Variants in BCAS1 observed in about 807,000 individuals in gnomAD.
The protein encoded by BCAS1 is breast carcinoma-amplified sequence 1.
BCAS1 carries 46 observed loss-of-function variants against 65.4 expected under a neutral mutation model. The observed-to-expected ratio is 0.70, with a 90% confidence interval of 0.55 to 0.90. BCAS1 has a LOEUF of 0.90. Among genes scored for constraint, BCAS1 ranks in the 40% least tolerant of loss-of-function variants. The pLI, the probability that BCAS1 is intolerant of heterozygous loss-of-function variation, is 0.00. For synonymous variants in BCAS1, 298 were observed against 293.5 expected (o/e 1.02, Z -0.16); for missense variants, 793 against 771.2 (o/e 1.03, Z -0.33).
intron 3 of BCAS1, among the ~76,000 whole-genome samples, chr20:54,055,899 G>A (rs926005041): frequency 6.6e-6 from 1 of 152,148 alleles, no homozygotes; most frequent in Non-Finnish European, 1.5e-5. Context: ...CAACATGGAT[G>A]AACCTGGAGG....
intron 4 of BCAS1, among the ~76,000 whole-genome samples, chr20:54,008,283 G>A (rs115906287): frequency 0.014 from 2,109 of 152,296 alleles, 50 homozygotes; most frequent in African/African-American, 0.048. Flanking sequence ...CATCCTCACC[G>A]GTTGGTAATA....
intron 3 of BCAS1, among the ~76,000 whole-genome samples, chr20:54,045,161 A>G (rs2092077660): frequency 6.6e-6 from 1 of 151,370 alleles, no homozygotes; most frequent in Non-Finnish European, 1.5e-5. Flanking sequence ...GCAGTGAGTG[A>G]TGATCATGCC....
At chr20:53,947,699 G>A (rs2089372614) in intron 12 of BCAS1, among the ~76,000 whole-genome samples, 1 of 152,064 alleles carries the variant, frequency 6.6e-6, no homozygotes, top group Admixed American at 6.5e-5. Flanking sequence ...TTCTGTCCCC[G>A]ATCTCTGAAC....
intron 4 of BCAS1, among the ~76,000 whole-genome samples, chr20:54,008,524 C>T (rs923315656): frequency 8.5e-5 from 13 of 152,156 alleles, no homozygotes; most frequent in African/African-American, 3.1e-4. Context: ...ATACCCCCGC[C>T]CCCCAACAAT....
intron 10 of BCAS1, among the ~76,000 whole-genome samples, chr20:53,958,900 C>T (rs1373009921): frequency 1.3e-5 from 2 of 152,188 alleles, no homozygotes; most frequent in African/African-American, 2.4e-5. Context: ...CCTCCCCATA[C>T]TGCCCCTAGA....
chr20:53,981,537 TTC>T (rs2090479304), intron 8 of BCAS1, among the ~76,000 whole-genome samples: 1 of 151,114 alleles, frequency 6.6e-6, no homozygotes, highest in South Asian at 2.1e-4. Context: ...TCATTTGGCG[TTC>T]TTTTTTTTTT....
intron 3 of BCAS1, among the ~76,000 whole-genome samples, chr20:54,032,455 A>G (rs290458): frequency 0.37 from 56,022 of 150,880 alleles, 11,583 homozygotes; most frequent in South Asian, 0.43. Context: ...TGATGACGGT[A>G]TCAAATCGAC....
At chr20:54,025,268 G>A (rs78378712) in intron 4 of BCAS1, among the ~76,000 whole-genome samples, 1,669 of 151,972 alleles carry the variant, frequency 0.011, 43 homozygotes, top group East Asian at 0.086. Flanking sequence ...ATGTGATTTT[G>A]TGTGTGTGTG....
At chr20:54,027,803 CAAA>C (rs11483550) in intron 4 of BCAS1, among the ~76,000 whole-genome samples, 1 of 147,270 alleles carries the variant, frequency 6.8e-6, no homozygotes, top group African/African-American at 2.5e-5. Flanking sequence ...CCCCAAAAAA[CAAA>C]AAAAAAACCC....
At chr20:54,000,256 G>T (rs1286259444) in intron 4 of BCAS1, among the ~76,000 whole-genome samples, 1 of 152,080 alleles carries the variant, frequency 6.6e-6, no homozygotes, top group Non-Finnish European at 1.5e-5. Flanking sequence ...GTATCTGGAG[G>T]ATAGATGCCA....
chr20:53,994,915 A>ACACACACACACT lies in BCAS1; in HGVS notation c.927+96_927+97insAGTGTGTGTGTG, dbSNP rs2090864057. 5 of 931,020 alleles carry ACACACACACACT rather than the reference A, an allele frequency of 5.4e-6. No individual in the cohort carries two copies. The South Asian group carries it at 6.9e-5, about 13-fold the overall frequency. The allele number at this position is 931,020 out of a possible 1,614,324, so 57.7% of individuals were successfully genotyped here. The stretch of plus-strand genomic sequence containing the variant: ...CACACACACACACACACACACACAC[A>ACACACACACACT]CATATATGTATTCAAAAAACAAGCA... On this transcript the variant is annotated intron_variant, in intron 6 of 12. Coordinates refer to ENST00000688948, the MANE Select transcript of BCAS1 (RefSeq NM_001366298.2).
At position 53,944,468 on chromosome 20, in the gene BCAS1, C is replaced by T. The variant is rs1399029672; in HGVS notation, c.*454G>A. On this transcript the variant is annotated 3_prime_UTR_variant, in exon 13 of 13. Coordinates refer to ENST00000688948, the MANE Select transcript of BCAS1 (RefSeq NM_001366298.2). ...GGACTACAGGTGTGTGCCACCATGC[C>T]TGGCTAATTTTTGTATTTTTAGTAG... 1 of 170,634 alleles carries T rather than the reference C, an allele frequency of 5.9e-6. No homozygotes were observed. Among genetic ancestry groups the T allele is most frequent in the African/African-American group, 2.4e-5 (1 of 41,942 alleles). The allele number at this position is 170,634 out of a possible 1,614,324, so 10.6% of individuals were successfully genotyped here.
chr20:54,048,814 T>G (rs2092158177), intron 3 of BCAS1, among the ~76,000 whole-genome samples: 1 of 152,260 alleles, frequency 6.6e-6, no homozygotes, highest in Admixed American at 6.5e-5. Flanking sequence ...TACCACTGGC[T>G]TAATATGCCA....
intron 3 of BCAS1, among the ~76,000 whole-genome samples, chr20:54,034,798 A>G (rs2091867226): frequency 6.6e-6 from 1 of 151,362 alleles, no homozygotes; most frequent in Non-Finnish European, 1.5e-5. Context: ...AAATTCATAT[A>G]GAACCCAGAA....
chr20:53,996,606 A>T (rs2090922102), intron 4 of BCAS1, among the ~76,000 whole-genome samples: 1 of 152,040 alleles, frequency 6.6e-6, no homozygotes, highest in South Asian at 2.1e-4. Flanking sequence ...TCAGGAGGGT[A>T]GGATGCGTTC....
At chr20:54,003,635 ATTTT>A (rs386815183) in intron 4 of BCAS1, among the ~76,000 whole-genome samples, 54,436 of 151,822 alleles carry the variant, frequency 0.36, 10,975 homozygotes, top group South Asian at 0.5. Context: ...TTTGGTGAGT[ATTTT>A]AAAAGTAACA....
At chr20:53,965,238 T>C (rs936654777) in intron 10 of BCAS1, among the ~76,000 whole-genome samples, 4 of 152,256 alleles carry the variant, frequency 2.6e-5, no homozygotes, top group African/African-American at 9.6e-5. Flanking sequence ...ATTTCTAACA[T>C]AATTATTTCT....
chr20:53,951,150 AAATG>A, intron 12 of BCAS1, among the ~76,000 whole-genome samples: 1 of 152,296 alleles, frequency 6.6e-6, no homozygotes, highest in South Asian at 2.1e-4. Context: ...TGTTCATTTT[AAATG>A]AATGAATAAA....
intron 10 of BCAS1, among the ~76,000 whole-genome samples, chr20:53,960,665 T>TTTCCTTCC (rs371214771): frequency 6.6e-6 from 1 of 151,720 alleles, no homozygotes; most frequent in East Asian, 1.9e-4. Flanking sequence ...ATAACAACTG[T>TTTCCTTCC]TTCCTTCCTT....
Sources: gnomAD v4.1 joint callset for allele counts (sites outside exome capture counted in the v4.1 genomes callset) on GRCh38, gnomAD v4.1.1 for gene constraint, MANE v1.5 for transcripts, NCBI Gene and HGNC (gene_info 2026-07-23, HGNC 2026-07-21) for gene names.